Variants in PTPRT observed in about 807,000 individuals in gnomAD.
PTPRT encodes protein tyrosine phosphatase receptor type T, also known as receptor-type tyrosine-protein phosphatase T.
Under a neutral mutation model 176.8 loss-of-function variants are expected in PTPRT, and 56 were observed. That is an observed-to-expected ratio of 0.32 (90% CI 0.26 to 0.40). PTPRT has a LOEUF of 0.40. Ranked by LOEUF, PTPRT falls within the 10% of genes least tolerant of loss-of-function variation. PTPRT has a pLI of 1.00. For missense variants in PTPRT, 1,540 were observed against 1,908.2 expected (o/e 0.81, Z 3.60); for synonymous variants, 783 against 739.0 (o/e 1.06, Z -0.96).
chr20:42,065,086 T>A, the PTPRT span, among the ~76,000 whole-genome samples: 1 of 152,222 alleles, frequency 6.6e-6, no homozygotes, highest in Non-Finnish European at 1.5e-5. Flanking sequence ...ATGTGAGTCG[T>A]CCTGGACATC....
intron 7 of PTPRT, among the ~76,000 whole-genome samples, chr20:42,531,088 T>C (rs2072375263): frequency 6.6e-6 from 1 of 152,256 alleles, no homozygotes; most frequent in African/African-American, 2.4e-5. Context: ...GAAGCTATCT[T>C]TCTTTGTAAT....
intron 13 of PTPRT, among the ~76,000 whole-genome samples, chr20:42,256,696 C>T (rs1600736228): frequency 1.3e-5 from 2 of 149,358 alleles, no homozygotes; most frequent in East Asian, 4.0e-4. Flanking sequence ...CCACTCCTAA[C>T]TTTTAAAACA....
At chr20:43,030,649 C>T (rs1986105374) in intron 1 of PTPRT, among the ~76,000 whole-genome samples, 1 of 152,132 alleles carries the variant, frequency 6.6e-6, no homozygotes, top group Non-Finnish European at 1.5e-5. Context: ...TACCGAAAGG[C>T]CATTCCAAGG....
chr20:43,020,641 C>T (rs940684096), intron 1 of PTPRT, among the ~76,000 whole-genome samples: 39 of 152,096 alleles, frequency 2.6e-4, no homozygotes, highest in Admixed American at 7.9e-4. Context: ...TCAGTGAGAG[C>T]GGCCTGCCCT....
rs539009294 is a variant in PTPRT, at chr20:42,438,875, G to A, written c.1560+9345C>T. Reference sequence around the variant, plus strand: ...CAAATACCTGTGTCGTAATAGAAAAGAAGAAACACCCCAAGGCAAATACAG... The same window carrying A: ...CAAATACCTGTGTCGTAATAGAAAAAAAGAAACACCCCAAGGCAAATACAG... On this transcript the variant is annotated intron_variant, in intron 9 of 30. Coordinates refer to ENST00000373187, the MANE Select transcript of PTPRT (RefSeq NM_007050.6). Among the ~76,000 whole-genome samples the A allele has an allele frequency of 3.3e-5, 5 of 152,286 alleles. No homozygotes were observed. The South Asian group carries it at 1.0e-3, about 32-fold the overall frequency.
intron 6 of PTPRT, among the ~76,000 whole-genome samples, chr20:42,748,320 T>C (rs761445211): frequency 1.9e-4 from 29 of 152,176 alleles, no homozygotes; most frequent in Non-Finnish European, 4.3e-4. Flanking sequence ...TCTGATACCA[T>C]GCCTGCTCTC....
chr20:42,449,945 C>T (rs2070797867), intron 8 of PTPRT, among the ~76,000 whole-genome samples: 1 of 152,010 alleles, frequency 6.6e-6, no homozygotes, highest in Non-Finnish European at 1.5e-5. Context: ...AAAAGATATG[C>T]CTATGCATAT....
At chr20:43,165,767 A>T (rs2014842305) in intron 1 of PTPRT, among the ~76,000 whole-genome samples, 2 of 152,180 alleles carry the variant, frequency 1.3e-5, no homozygotes, top group Admixed American at 1.3e-4. Context: ...TTACGTTTTT[A>T]AAAAATTACT....
intron 7 of PTPRT, among the ~76,000 whole-genome samples, chr20:42,473,761 C>T (rs1360706911): frequency 6.6e-6 from 1 of 152,202 alleles, no homozygotes; most frequent in Non-Finnish European, 1.5e-5. Context: ...AGGCACCATC[C>T]ACCATGCCTG....
chr20:42,314,178 A>C (rs2145367135), intron 12 of PTPRT, among the ~76,000 whole-genome samples: 1 of 152,294 alleles, frequency 6.6e-6, no homozygotes, highest in Middle Eastern at 3.4e-3. Flanking sequence ...TACATACTAC[A>C]TAAACTTAAT....
chr20:42,883,334 C>T (rs1411039515), intron 2 of PTPRT, among the ~76,000 whole-genome samples: 1 of 151,918 alleles, frequency 6.6e-6, no homozygotes, highest in African/African-American at 2.4e-5. Flanking sequence ...CTTGGGCAGA[C>T]CCAAACTATA....
intron 11 of PTPRT, among the ~76,000 whole-genome samples, chr20:42,345,751 A>G (rs1363425056): frequency 1.3e-5 from 2 of 151,754 alleles, no homozygotes; most frequent in African/African-American, 4.8e-5. Context: ...AAAAATATAT[A>G]TATATGAACA....
At chr20:42,231,671 G>A (rs2056138503) in intron 15 of PTPRT, among the ~76,000 whole-genome samples, 1 of 152,152 alleles carries the variant, frequency 6.6e-6, no homozygotes, top group Non-Finnish European at 1.5e-5. Flanking sequence ...GGCAAACTGT[G>A]ACCTGTGGGC....
intron 1 of PTPRT, among the ~76,000 whole-genome samples, chr20:43,060,364 G>A (rs1987406381): frequency 1.3e-5 from 2 of 152,126 alleles, no homozygotes; most frequent in African/African-American, 4.8e-5. Flanking sequence ...ATGGTGTGAG[G>A]GACAAGGGGG....
intron 7 of PTPRT, among the ~76,000 whole-genome samples, chr20:42,634,011 AATAT>A: frequency 5.5e-5 from 1 of 18,200 alleles, no homozygotes; most frequent in African/African-American, 3.6e-4. Flanking sequence ...ATATATATAT[AATAT>A]ATATATAATA....
chr20:43,132,715 G>A (rs936483261), intron 1 of PTPRT, among the ~76,000 whole-genome samples: 8 of 152,014 alleles, frequency 5.3e-5, no homozygotes, highest in Admixed American at 3.9e-4. Context: ...AAATATAACC[G>A]AATAAAATAA....
At chr20:42,550,452 T>A (rs1345098829) in intron 7 of PTPRT, among the ~76,000 whole-genome samples, 3 of 151,160 alleles carry the variant, frequency 2.0e-5, no homozygotes, top group Non-Finnish European at 4.4e-5. Flanking sequence ...TGGATTAGGG[T>A]TTTTTTTTAG....
chr20:42,515,333 A>C (rs2072040733), intron 7 of PTPRT, among the ~76,000 whole-genome samples: 1 of 152,122 alleles, frequency 6.6e-6, no homozygotes, highest in Admixed American at 6.5e-5. Flanking sequence ...AATTACAAAA[A>C]TTAGTCAGGT....
chr20:42,945,122 AC>A (rs1350865335), intron 1 of PTPRT, among the ~76,000 whole-genome samples: 1 of 149,006 alleles, frequency 6.7e-6, no homozygotes, highest in Non-Finnish European at 1.5e-5. Context: ...TTATATATAT[AC>A]TTTATATATT....
Sources: allele counts gnomAD v4.1 joint callset (sites outside exome capture counted in the v4.1 genomes callset), GRCh38; gene constraint gnomAD v4.1.1; transcripts MANE v1.5; gene names NCBI Gene and HGNC (gene_info 2026-07-23, HGNC 2026-07-21).